Variants in GRID1 observed in about 807,000 individuals in gnomAD.
GRID1 encodes glutamate receptor ionotropic, delta-1.
GRID1 carries 28 observed loss-of-function variants against 98.0 expected under a neutral mutation model. That is an observed-to-expected ratio of 0.29 (90% CI 0.21 to 0.39). The LOEUF (loss-of-function observed/expected upper bound fraction) is 0.39, where lower values mean the gene tolerates loss of function less well. Ranked by LOEUF, GRID1 falls within the 10% of genes least tolerant of loss-of-function variation. GRID1 has a pLI of 1.00. For synonymous variants in GRID1, 553 were observed against 538.5 expected, an observed-to-expected ratio of 1.03 and a Z score of -0.37; for missense variants, 1,111 against 1,340.5, an observed-to-expected ratio of 0.83 and a Z score of 2.67.
chr10:86,259,981 A>G (rs924179777), intron 2 of GRID1, among the ~76,000 whole-genome samples: 1 of 152,218 alleles, frequency 6.6e-6, no homozygotes, highest in Non-Finnish European at 1.5e-5. Context: ...GTGAATTAAT[A>G]CGCTGGCTTG....
At chr10:86,242,660 C>A (rs570655106) in intron 2 of GRID1, among the ~76,000 whole-genome samples, 23 of 152,332 alleles carry the variant, frequency 1.5e-4, no homozygotes, top group African/African-American at 5.5e-4. Context: ...ATGCCCACCT[C>A]CAAAACCCCT....
chr10:86,358,615 G>A (rs527890616), intron 2 of GRID1, among the ~76,000 whole-genome samples: 18 of 151,818 alleles, frequency 1.2e-4, no homozygotes, highest in East Asian at 9.7e-4. Flanking sequence ...AAAATTAGCC[G>A]GGCATGGTGG....
chr10:86,210,883 T>G (rs1846098167), intron 2 of GRID1, among the ~76,000 whole-genome samples: 1 of 152,220 alleles, frequency 6.6e-6, no homozygotes, highest in Non-Finnish European at 1.5e-5. Flanking sequence ...AGGTTGTGTG[T>G]GATGGGATGT....
intron 8 of GRID1, among the ~76,000 whole-genome samples, chr10:85,801,086 C>G (rs1842572577): frequency 6.6e-6 from 1 of 151,784 alleles, no homozygotes; most frequent in Admixed American, 6.6e-5. Flanking sequence ...ACATAATTAA[C>G]AACAGAGTAA....
chr10:86,257,226 TA>T (rs1460604336), intron 2 of GRID1, among the ~76,000 whole-genome samples: 1 of 152,192 alleles, frequency 6.6e-6, no homozygotes, highest in Non-Finnish European at 1.5e-5. Context: ...CTAGTGCAAT[TA>T]GGTGCATTCA....
intron 13 of GRID1, among the ~76,000 whole-genome samples, chr10:85,639,036 G>A (rs773955787): frequency 4.6e-5 from 7 of 152,142 alleles, no homozygotes; most frequent in Non-Finnish European, 2.9e-5. Flanking sequence ...TAGTTAGACA[G>A]TTTCATAATG....
chr10:85,954,192 G>T (rs1036736894), intron 4 of GRID1, among the ~76,000 whole-genome samples: 10 of 152,180 alleles, frequency 6.6e-5, no homozygotes, highest in South Asian at 2.1e-4. Context: ...ATCATGAAAT[G>T]CCATTAATGA....
chr10:85,875,706 T>A (rs1843322576), intron 5 of GRID1, among the ~76,000 whole-genome samples: 1 of 152,216 alleles, frequency 6.6e-6, no homozygotes, highest in African/African-American at 2.4e-5. Flanking sequence ...TAATCAGTAT[T>A]TTTACTCTCT....
At chr10:85,665,905 G>A (rs191620610) in intron 12 of GRID1, among the ~76,000 whole-genome samples, 4 of 152,220 alleles carry the variant, frequency 2.6e-5, no homozygotes, top group Admixed American at 6.5e-5. Context: ...AGGGAGGCAC[G>A]TTGCCAGGCA....
chr10:85,867,868 G>A (rs912923661), intron 6 of GRID1, among the ~76,000 whole-genome samples: 1 of 152,200 alleles, frequency 6.6e-6, no homozygotes, highest in African/African-American at 2.4e-5. Flanking sequence ...CATTTCTCAT[G>A]TTTACCATCC....
intron 8 of GRID1, among the ~76,000 whole-genome samples, chr10:85,738,464 T>A (rs1036530834): frequency 1.3e-5 from 2 of 152,152 alleles, no homozygotes; most frequent in African/African-American, 4.8e-5. Context: ...AAGTTAAACA[T>A]ATGATGTTAA....
At chr10:86,228,251 G>C (rs1846389096) in intron 2 of GRID1, among the ~76,000 whole-genome samples, 1 of 147,766 alleles carries the variant, frequency 6.8e-6, no homozygotes, top group African/African-American at 2.5e-5. Flanking sequence ...GTGGATGGAG[G>C]GGTGGGGGAG....
intron 2 of GRID1, among the ~76,000 whole-genome samples, chr10:86,344,235 T>A (rs1589456182): frequency 6.6e-6 from 1 of 152,342 alleles, no homozygotes; most frequent in South Asian, 2.1e-4. Flanking sequence ...ACCCACTGTA[T>A]GCACACCATG....
intron 4 of GRID1, among the ~76,000 whole-genome samples, chr10:86,030,484 T>C (rs1027196756): frequency 1.3e-5 from 2 of 152,232 alleles, no homozygotes; most frequent in African/African-American, 4.8e-5. Flanking sequence ...CCCATCAGAA[T>C]GGTTGACAGC....
At chr10:86,132,315 A>G (rs577034169) in intron 4 of GRID1, among the ~76,000 whole-genome samples, 4 of 152,232 alleles carry the variant, frequency 2.6e-5, no homozygotes, top group Non-Finnish European at 5.9e-5. Flanking sequence ...GAACTCAGCC[A>G]GGCCCCGCGT....
At chr10:86,024,699 T>G (rs989123988) in intron 4 of GRID1, among the ~76,000 whole-genome samples, 8 of 152,192 alleles carry the variant, frequency 5.3e-5, no homozygotes, top group African/African-American at 1.4e-4. Context: ...TCCACAACTC[T>G]GCTTCCCAGC....
intron 2 of GRID1, among the ~76,000 whole-genome samples, chr10:86,300,846 A>G (rs1847675341): frequency 6.6e-6 from 1 of 152,180 alleles, no homozygotes. Context: ...CCTAGAGTCC[A>G]GGGTGCAGTC....
intron 8 of GRID1, among the ~76,000 whole-genome samples, chr10:85,821,014 C>G (rs9665342): frequency 7.2e-4 from 110 of 152,152 alleles, no homozygotes; most frequent in African/African-American, 2.5e-3. Context: ...AGAAACAATG[C>G]AAATGCTCAT....
At chr10:86,108,012 G>A (rs1332453114) in intron 4 of GRID1, among the ~76,000 whole-genome samples, 1 of 152,186 alleles carries the variant, frequency 6.6e-6, no homozygotes, top group Non-Finnish European at 1.5e-5. Context: ...CCCTTTGTCC[G>A]TGCGACAAGG....
Sources: allele counts gnomAD v4.1 joint callset (sites outside exome capture counted in the v4.1 genomes callset), GRCh38; gene constraint gnomAD v4.1.1; transcripts MANE v1.5; gene names NCBI Gene and HGNC (gene_info 2026-07-23, HGNC 2026-07-21).